Variants in CD226 observed in about 807,000 individuals in gnomAD.
CD226 encodes the protein CD226 antigen.
A neutral mutation model predicts 34.9 loss-of-function variants in CD226; 24 were observed. The observed-to-expected ratio is 0.69, with a 90% CI of 0.50 to 0.97. The LOEUF (loss-of-function observed/expected upper bound fraction) is 0.97. Ranked by LOEUF, CD226 falls within the 50% of genes least tolerant of loss-of-function variation. The pLI, the probability that CD226 is intolerant of heterozygous loss-of-function variation, is 0.00. For missense variants in CD226, 397 were observed against 412.7 expected (o/e 0.96, Z 0.33); for synonymous variants, 148 against 147.4 (o/e 1.00, Z -0.03).
chr18:69,877,076 C>T (rs938571111), intron 3 of CD226, among the ~76,000 whole-genome samples: 3 of 152,036 alleles, frequency 2.0e-5, no homozygotes, highest in Non-Finnish European at 2.9e-5. Flanking sequence ...GTTAGTCAGG[C>T]TGGTCTCGAA....
At chr18:69,871,353 G>A (rs1983510635) in intron 4 of CD226, among the ~76,000 whole-genome samples, 1 of 152,214 alleles carries the variant, frequency 6.6e-6, no homozygotes, top group Non-Finnish European at 1.5e-5. Flanking sequence ...AAGGTGAAAT[G>A]ACCTGACCTC....
At chr18:69,907,614 A>C (rs1408322467) in intron 2 of CD226, among the ~76,000 whole-genome samples, 1 of 152,100 alleles carries the variant, frequency 6.6e-6, no homozygotes, top group Non-Finnish European at 1.5e-5. Context: ...CTGGCCCTTG[A>C]ATGTCTTCTT....
intron 3 of CD226, among the ~76,000 whole-genome samples, chr18:69,881,710 C>G (rs1984274122): frequency 2.6e-5 from 4 of 151,998 alleles, no homozygotes; most frequent in Admixed American, 2.6e-4. Context: ...TAGTCGTGTA[C>G]AGCAGAGCAT....
chr18:69,930,351 G>T (rs1033948092), intron 2 of CD226, among the ~76,000 whole-genome samples: 3 of 152,198 alleles, frequency 2.0e-5, no homozygotes, highest in African/African-American at 7.2e-5. Flanking sequence ...TGACTCAAAT[G>T]AGAAAGACTG....
intron 2 of CD226, among the ~76,000 whole-genome samples, chr18:69,907,710 AG>A (rs1315776378): frequency 2.0e-5 from 3 of 152,180 alleles, no homozygotes; most frequent in East Asian, 1.9e-4. Context: ...TGGGAGAATG[AG>A]GGGATAACGG....
chr18:69,901,896 T>TA (rs1440952550), intron 2 of CD226, among the ~76,000 whole-genome samples: 1 of 150,474 alleles, frequency 6.6e-6, no homozygotes, highest in East Asian at 1.9e-4. Context: ...AAAAAAAAAG[T>TA]ATTTGTTAGT....
chr18:69,864,410 A>G lies in CD226; in HGVS notation c.915T>C (p.Ser305=), dbSNP rs1371446066. 1.9e-6 allele frequency: 3 copies of G among 1,613,378 alleles called. No homozygotes were observed. In the African/African-American group the frequency reaches 4.0e-5, roughly 22 times the overall value. ...KAPNNYRSPI[S]TSQPTNQSMD... ...TGGATTGATTGGTAGGTTGACTGGT[A>G]GAGATGGGACTTCTATAGTTATTGG... The change falls in exon 6 of 6, where the codon TCT becomes TCC. Residue 305 remains serine, a synonymous_variant. Coordinates refer to ENST00000582621, the MANE Select transcript of CD226 (RefSeq NM_001303618.2).
chr18:69,946,665 G>T, intron 2 of CD226, 69 bp downstream of exon 2: 2 of 1,013,086 alleles, frequency 2.0e-6, no homozygotes, highest in South Asian at 1.6e-5. Context: ...GCTTCTACTT[G>T]GGCTTTATAG....
chr18:69,910,534 G>A (rs1030142302), intron 2 of CD226, among the ~76,000 whole-genome samples: 3 of 152,186 alleles, frequency 2.0e-5, no homozygotes, highest in Non-Finnish European at 2.9e-5. Flanking sequence ...GATAGAAACT[G>A]TCACAGATCA....
rs143228275 is a variant in CD226, at chr18:69,908,611, G to GTAGCC, written c.383-12571_383-12567dup. On this transcript the variant is annotated intron_variant, in intron 2 of 5. Transcript: ENST00000582621. ...ATAGTTGTCAAAATGAACTCTAATT[G>GTAGCC]TAGCCCCTTTTCCCTCCAATTCATA... Among the ~76,000 whole-genome samples the GTAGCC allele has an allele frequency of 4.9e-3, 702 of 143,480 alleles. 36 individuals are homozygous for GTAGCC. In the East Asian group the frequency reaches 0.12, roughly 25 times the overall value. The allele number at this position is 143,480 out of a possible 152,430, so 94.1% of individuals were successfully genotyped here. A position where few individuals can be genotyped will look rare whatever the true frequency, so the allele number is the denominator to read the frequency against.
At chr18:69,958,729 T>TG (rs905424225), upstream of CD226, among the ~76,000 whole-genome samples, 36 of 151,472 alleles carry the variant, frequency 2.4e-4, no homozygotes, top group Non-Finnish European at 5.0e-4. Flanking sequence ...TGATACAGGC[T>TG]GGGGGGTTTT....
intron 1 of CD226, among the ~76,000 whole-genome samples, chr18:69,953,981 C>T (rs1442747598): frequency 1.4e-5 from 2 of 142,942 alleles, no homozygotes; most frequent in Admixed American, 7.2e-5. Context: ...GCCAGGTCAA[C>T]AGAGCAAGAC....
chr18:69,893,079 T>C (rs1050498511), intron 3 of CD226, among the ~76,000 whole-genome samples: 1 of 152,224 alleles, frequency 6.6e-6, no homozygotes, highest in African/African-American at 2.4e-5. Context: ...AAGTTTTATA[T>C]TCAATCTTTC....
At chr18:69,902,137 C>T (rs1000255802) in intron 2 of CD226, among the ~76,000 whole-genome samples, 3 of 152,150 alleles carry the variant, frequency 2.0e-5, no homozygotes, top group African/African-American at 7.2e-5. Context: ...ATACATTTTT[C>T]ATGCCAGAAC....
At chr18:69,901,681 C>T (rs1020557758) in intron 2 of CD226, among the ~76,000 whole-genome samples, 7 of 152,014 alleles carry the variant, frequency 4.6e-5, no homozygotes, top group Non-Finnish European at 8.8e-5. Flanking sequence ...AGATCAAGAC[C>T]ATCCTGGCTA....
At chr18:69,931,174 T>C (rs56207855) in intron 2 of CD226, among the ~76,000 whole-genome samples, 13,339 of 151,848 alleles carry the variant, frequency 0.088, 1,556 homozygotes, top group African/African-American at 0.27. Flanking sequence ...TAGGTGGGAA[T>C]TGAACAATGA....
chr18:69,930,487 G>T (rs1042284609), intron 2 of CD226, among the ~76,000 whole-genome samples: 1 of 151,012 alleles, frequency 6.6e-6, no homozygotes, highest in South Asian at 2.2e-4. Flanking sequence ...ACATAGGGAC[G>T]TGGAAGCCAC....
Position 69,858,930 on chromosome 18 carries a change from T to C in CD226, c.*5384A>G, listed in dbSNP as rs1982694994. 6.6e-6 allele frequency: 1 copy of C among 151,566 alleles called. No individual in the cohort carries two copies. The highest frequency in any genetic ancestry group is 2.1e-4 in the South Asian group (1 of 4,800). The allele number at this position is 151,566 out of a possible 1,614,324, so 9.4% of individuals were successfully genotyped here. A position where few individuals can be genotyped will look rare whatever the true frequency, so the allele number is the denominator to read the frequency against. On this transcript the variant is annotated 3_prime_UTR_variant, in exon 6 of 6. Transcript: ENST00000582621. Reference sequence around the variant, plus strand: ...TTTTTACTAAGACAGGGTTTCACCATATTGGCCAAGTTGGTCTCAAACTCC... The same window carrying C: ...TTTTTACTAAGACAGGGTTTCACCACATTGGCCAAGTTGGTCTCAAACTCC...
intron 3 of CD226, among the ~76,000 whole-genome samples, chr18:69,888,416 CTTTTTTTTTT>C (rs397771802): frequency 8.0e-6 from 1 of 125,078 alleles, no homozygotes; most frequent in African/African-American, 3.0e-5. Context: ...TTTCCTTTCT[CTTTTTTTTTT>C]TTTTTTTTTG....
Sources: gnomAD v4.1 joint callset for allele counts (sites outside exome capture counted in the v4.1 genomes callset) on GRCh38, gnomAD v4.1.1 for gene constraint, MANE v1.5 for transcripts, NCBI Gene and HGNC (gene_info 2026-07-23, HGNC 2026-07-21) for gene names.